The following GAS7 variants were observed in gnomAD, a reference collection of about 807,000 sequenced individuals.
The protein encoded by GAS7 is growth arrest specific 7.
GAS7 carries 28 observed loss-of-function variants against 71.1 expected under a neutral mutation model. The observed-to-expected ratio is 0.39, with a 90% CI of 0.29 to 0.54. The LOEUF is 0.54. GAS7 is among the 20% of genes least tolerant of loss of function. The probability of loss-of-function intolerance (pLI) is 0.62; values close to 1 mark genes in which losing one functional copy is unlikely to be tolerated. For synonymous variants in GAS7, 258 were observed against 245.8 expected, an observed-to-expected ratio of 1.05 and a Z score of -0.46; for missense variants, 436 against 627.8, an observed-to-expected ratio of 0.69 and a Z score of 3.27.
At chr17:10,062,009 A>T (rs541718650) in intron 1 of GAS7, among the ~76,000 whole-genome samples, 18 of 152,236 alleles carry the variant, frequency 1.2e-4, no homozygotes, top group African/African-American at 4.1e-4. Flanking sequence ...TCCAACCCGA[A>T]ATGTCAACAG....
At chr17:10,134,040 T>C (rs544138176) in intron 1 of GAS7, among the ~76,000 whole-genome samples, 114 of 34,190 alleles carry the variant, frequency 3.3e-3, no homozygotes, top group African/African-American at 9.6e-3. Context: ...CTTTTTTCTT[T>C]TTTTTTTGAG....
At chr17:9,921,457 G>C (rs62064498) in intron 11 of GAS7, among the ~76,000 whole-genome samples, 1 of 152,020 alleles carries the variant, frequency 6.6e-6, no homozygotes, top group African/African-American at 2.4e-5. Flanking sequence ...CCTGGCCGAG[G>C]AGGAGGGCGG....
chr17:9,935,685 G>A (rs1187719309), intron 8 of GAS7, among the ~76,000 whole-genome samples: 2 of 152,220 alleles, frequency 1.3e-5, no homozygotes, highest in African/African-American at 4.8e-5. Flanking sequence ...GGCTCAGGCC[G>A]AGGTGGGTGT....
At chr17:9,997,669 C>T (rs1017472794) in intron 2 of GAS7, among the ~76,000 whole-genome samples, 1 of 152,204 alleles carries the variant, frequency 6.6e-6, no homozygotes, top group African/African-American at 2.4e-5. Flanking sequence ...CAAGACTACT[C>T]CCCACTTCAG....
chr17:10,080,032 G>A (rs777514659), intron 1 of GAS7, among the ~76,000 whole-genome samples: 2 of 152,232 alleles, frequency 1.3e-5, no homozygotes, highest in Admixed American at 6.5e-5. Flanking sequence ...GACCTACTGG[G>A]CTGCACTCCT....
chr17:10,102,352 C>G (rs1567592183), intron 1 of GAS7, among the ~76,000 whole-genome samples: 1 of 151,836 alleles, frequency 6.6e-6, no homozygotes, highest in African/African-American at 2.4e-5. Flanking sequence ...TACAAAGAGT[C>G]TGGAATTTTC....
chr17:10,175,286 G>C (rs2074365842), intron 1 of GAS7, among the ~76,000 whole-genome samples: 1 of 131,490 alleles, frequency 7.6e-6, no homozygotes, highest in Non-Finnish European at 1.6e-5. Context: ...ATCCCATGTG[G>C]AACTATGTAA....
intron 1 of GAS7, among the ~76,000 whole-genome samples, chr17:10,123,500 T>C (rs17760475): frequency 0.2 from 30,676 of 152,232 alleles, 3,968 homozygotes; most frequent in Non-Finnish European, 0.29. Context: ...AGTCCTGCTG[T>C]TGATCTGACT....
chr17:10,121,846 G>A (rs1347014518), intron 1 of GAS7, among the ~76,000 whole-genome samples: 1 of 152,096 alleles, frequency 6.6e-6, no homozygotes, highest in African/African-American at 2.4e-5. Context: ...AAGCTCAGAA[G>A]ATGCCTGGGT....
At chr17:10,003,741 C>T (rs62065806) in intron 2 of GAS7, among the ~76,000 whole-genome samples, 35,915 of 152,122 alleles carry the variant, frequency 0.24, 6,494 homozygotes, top group African/African-American at 0.51. Context: ...ACAAGACCCT[C>T]ATGCCATCTC....
At chr17:9,970,319 G>A (rs541271059) in intron 3 of GAS7, among the ~76,000 whole-genome samples, 40 of 152,226 alleles carry the variant, frequency 2.6e-4, no homozygotes, top group African/African-American at 9.2e-4. Flanking sequence ...TTGAGTCACC[G>A]TTCTCCTAGA....
chr17:10,088,256 TA>T (rs56688998), intron 1 of GAS7, among the ~76,000 whole-genome samples: 13 of 144,570 alleles, frequency 9.0e-5, no homozygotes, highest in Non-Finnish European at 1.8e-4. Context: ...ATAATAATAA[TA>T]AATATGTATA....
At chr17:9,918,204 C>T in intron 12 of GAS7, 105 bp from the exon 13 acceptor site, 1 of 727,434 alleles carries the variant, frequency 1.4e-6, no homozygotes, top group Non-Finnish European at 2.4e-6. Context: ...GACATTCTGT[C>T]CCATCTGACT....
intron 4 of GAS7, among the ~76,000 whole-genome samples, chr17:9,960,480 G>A (rs1232841606): frequency 6.6e-6 from 1 of 152,238 alleles, no homozygotes; most frequent in Non-Finnish European, 1.5e-5. Flanking sequence ...ATGAGCCACT[G>A]CGGCCAGTCT....
Position 10,071,437 on chromosome 17 carries a change from C to T in GAS7, c.184-51540G>A, listed in dbSNP as rs376587046. The stretch of plus-strand genomic sequence containing the variant: ...AAGGCAAAGTACAAGTATAGTCACC[C>T]CCATGTCACAGAGAACAGCCAGACA... On this transcript the variant is annotated intron_variant, in intron 1 of 13. Transcript: ENST00000432992. Among the ~76,000 whole-genome samples the T allele has an allele frequency of 5.3e-5, 8 of 152,228 alleles. No individual in the cohort carries two copies. The South Asian group carries it at 1.2e-3, about 24-fold the overall frequency.
intron 1 of GAS7, among the ~76,000 whole-genome samples, chr17:10,058,069 C>T (rs547080891): frequency 2.2e-4 from 33 of 152,260 alleles, no homozygotes; most frequent in African/African-American, 7.5e-4. Flanking sequence ...TAAGAGTCAT[C>T]ACCACTCCCT....
chr17:10,178,702 C>CCT (rs2074391673), intron 1 of GAS7, among the ~76,000 whole-genome samples: 2 of 34,534 alleles, frequency 5.8e-5, no homozygotes, highest in East Asian at 1.1e-3. Flanking sequence ...CCCCCACCAC[C>CCT]TTTTTTTTTT....
In GAS7 at chr17:9,915,034, AAT is replaced by A; in HGVS notation, c.*2192_*2193del. The A allele has an allele frequency of 4.3e-6, 1 of 231,942 alleles. No individual in the cohort carries two copies. The highest frequency in any genetic ancestry group is 8.5e-6 in the Non-Finnish European group (1 of 117,196). The allele number at this position is 231,942 out of a possible 1,614,324, so 14.4% of individuals were successfully genotyped here. A position where few individuals can be genotyped will look rare whatever the true frequency, so the allele number is the denominator to read the frequency against. Reference sequence around the variant, plus strand: ...CACAATGGCTTTAACCTGCTTGATGAATGAATAACAGAGGGAAGAAAGAAAGG... The same window carrying A: ...CACAATGGCTTTAACCTGCTTGATGAGAATAACAGAGGGAAGAAAGAAAGG... On this transcript the variant is annotated 3_prime_UTR_variant, in exon 14 of 14. Transcript: ENST00000432992.
In GAS7 at chr17:10,072,685, C is replaced by A. The variant is rs187060880; in HGVS notation, c.184-52788G>T. ...CATCTATCTGTCCACAACCCTACCC[C>A]GATCCACAGGAGTCAATATAAATGT... On this transcript the variant is annotated intron_variant, in intron 1 of 13. Coordinates refer to ENST00000432992, the MANE Select transcript of GAS7 (RefSeq NM_201433.2). Among the ~76,000 whole-genome samples, 632 of 152,268 alleles carry A rather than the reference C, an allele frequency of 4.2e-3. 2 individuals are homozygous for A. The highest frequency in any genetic ancestry group is 0.014 in the African/African-American group (579 of 41,540).
Sources: gnomAD v4.1 joint callset for allele counts (sites outside exome capture counted in the v4.1 genomes callset) on GRCh38, gnomAD v4.1.1 for gene constraint, MANE v1.5 for transcripts, NCBI Gene and HGNC (gene_info 2026-07-23, HGNC 2026-07-21) for gene names.